The following CPXM2 variants were observed in gnomAD, a reference collection of about 807,000 sequenced individuals.
The protein encoded by CPXM2 is carboxypeptidase X, M14 family member 2.
A neutral mutation model predicts 86.1 loss-of-function variants in CPXM2; 66 were observed. The ratio of observed to expected loss-of-function variants is 0.77; its 90% CI spans 0.63 to 0.94. The LOEUF (loss-of-function observed/expected upper bound fraction) is 0.94, where lower values mean the gene tolerates loss of function less well. Ranked by LOEUF, CPXM2 falls within the 40% of genes least tolerant of loss-of-function variation. CPXM2 has a pLI of 0.00. For missense variants in CPXM2, 948 were observed against 1,026.3 expected (o/e 0.92, Z 1.04); for synonymous variants, 388 against 400.2 (o/e 0.97, Z 0.36).
Position 123,885,970 on chromosome 10 carries a change from C to T in CPXM2, c.304+5386G>A, listed in dbSNP as rs986592219. 3.9e-5 allele frequency among the ~76,000 whole-genome samples: 6 copies of T among 152,208 alleles called. No homozygotes were observed. Among genetic ancestry groups the T allele is most frequent in the Non-Finnish European group, 7.3e-5 (5 of 68,036 alleles). On this transcript the variant is annotated intron_variant, in intron 1 of 13. Coordinates refer to ENST00000241305, the MANE Select transcript of CPXM2 (RefSeq NM_198148.3). The surrounding 1 kb of genome is among the most constrained non-coding windows in gnomAD (Gnocchi z 4.0). ...GGTGTGTCCTCCTTTATTATCCATG[C>T]GCGAGCCCTGGTTTCTGGAACCTTG... is the stretch of plus-strand genomic sequence containing the variant.
chr10:123,811,466 C>T (rs1847694655), intron 4 of CPXM2, among the ~76,000 whole-genome samples: 1 of 152,132 alleles, frequency 6.6e-6, no homozygotes, highest in African/African-American at 2.4e-5. Flanking sequence ...TTAAATGTGA[C>T]AAGCGAAACT....
chr10:123,825,512 G>C (rs373779855), intron 4 of CPXM2, among the ~76,000 whole-genome samples: 13 of 152,078 alleles, frequency 8.5e-5, no homozygotes, highest in Non-Finnish European at 1.9e-4. Flanking sequence ...CCGCCTTTGT[G>C]CAAGAGAAAC....
chr10:123,751,616 G>C, intron 13 of CPXM2: 1 of 985,354 alleles, frequency 1.0e-6, no homozygotes, highest in South Asian at 4.7e-5. Flanking sequence ...CCAACATACT[G>C]ATATGCATCT....
chr10:123,830,872 C>CTCTGTGTGTGTGTGTG (rs1258897184), intron 4 of CPXM2, among the ~76,000 whole-genome samples: 15 of 142,710 alleles, frequency 1.1e-4, no homozygotes, highest in African/African-American at 3.7e-4. Context: ...CTCTCTCTCT[C>CTCTGTGTGTGTGTGTG]TGTGTGTGTG....
At chr10:123,882,161 G>A (rs78812210) in intron 1 of CPXM2, among the ~76,000 whole-genome samples, 2,299 of 152,310 alleles carry the variant, frequency 0.015, 57 homozygotes, top group South Asian at 0.078. Context: ...CAAGCCAAAG[G>A]AAACCCCCCT....
At chr10:123,928,999 G>T (rs1429629679) in intron 2 of CPXM2, among the ~76,000 whole-genome samples, 1 of 152,198 alleles carries the variant, frequency 6.6e-6, no homozygotes, top group Non-Finnish European at 1.5e-5. Flanking sequence ...TGGAGCAGGG[G>T]GGCACTCCTA....
chr10:123,806,174 C>T lies in CPXM2; in HGVS notation c.654-6975G>A, dbSNP rs78538781. Among the ~76,000 whole-genome samples the T allele has an allele frequency of 1.8e-3, 281 of 152,168 alleles. 7 individuals carry two copies. In the East Asian group the frequency reaches 0.042, roughly 23 times the overall value. ...TTTTAAACCAAGTATGCTGATAGTA[C>T]GCTTTTTCAGTTTTTGTTGTCTGAA... On this transcript the variant is annotated intron_variant, in intron 4 of 13. Coordinates refer to ENST00000241305, the MANE Select transcript of CPXM2 (RefSeq NM_198148.3).
chr10:123,822,680 C>T (rs997595546), intron 4 of CPXM2, among the ~76,000 whole-genome samples: 1 of 150,312 alleles, frequency 6.7e-6, no homozygotes, highest in African/African-American at 2.5e-5. Context: ...AGAGAATATG[C>T]AAATAATAAT....
At chr10:123,851,942 G>A (rs1198657827) in intron 3 of CPXM2, among the ~76,000 whole-genome samples, 1 of 152,098 alleles carries the variant, frequency 6.6e-6, no homozygotes, top group African/African-American at 2.4e-5. Flanking sequence ...GAAGCCTGAG[G>A]TACCAGGGAG....
Position 123,882,069 on chromosome 10 carries a change from C to T in CPXM2, c.305-1760G>A, listed in dbSNP as rs113416700. ...ATTCTGCCAATAATGAAATCATTTCCGACTATGTTACAGTCACATGCTAAA... is the reference window on the plus strand; with the variant it reads ...ATTCTGCCAATAATGAAATCATTTCTGACTATGTTACAGTCACATGCTAAA... On this transcript the variant is annotated intron_variant, in intron 1 of 13. Transcript: ENST00000241305. Among the ~76,000 whole-genome samples, 559 of 152,252 alleles carry T rather than the reference C, an allele frequency of 3.7e-3. 8 individuals are homozygous for T. Among genetic ancestry groups the T allele is most frequent in the African/African-American group, 0.012 (500 of 41,534 alleles).
Position 123,746,788 on chromosome 10 carries a change from C to A in CPXM2, c.2247G>T (p.Gly749=). 6.2e-7 allele frequency: 1 copy of A among 1,614,026 alleles called. No individual in the cohort carries two copies. Among genetic ancestry groups the A allele is most frequent in the East Asian group, 2.2e-5 (1 of 44,882 alleles). Reference sequence around the variant, plus strand: ...GTCACCCACGCTGTCGTCTCTTCTGCCCCCGCAGCTTCAGCCGCCTGGCTG... The same window carrying A: ...GTCACCCACGCTGTCGTCTCTTCTGACCCCGCAGCTTCAGCCGCCTGGCTG... ...SLPARRLKLR[G]QKRRQRG Residue 749 remains glycine (G), a synonymous_variant, in exon 14 of 14, where the codon GGG becomes GGT. Transcript: ENST00000241305.
At chr10:123,858,479 C>T (rs866961109) in intron 3 of CPXM2, among the ~76,000 whole-genome samples, 2 of 152,226 alleles carry the variant, frequency 1.3e-5, no homozygotes, top group African/African-American at 4.8e-5. Context: ...CCACTTCTAT[C>T]TGTTGACTTG....
chr10:123,933,493 G>A (rs900494452), intron 2 of CPXM2, among the ~76,000 whole-genome samples: 15 of 152,296 alleles, frequency 9.8e-5, no homozygotes, highest in Admixed American at 5.2e-4. Flanking sequence ...CAAGGTGGGC[G>A]GGTCACTTGA....
chr10:123,785,006 A>G (rs1847017905), intron 6 of CPXM2, among the ~76,000 whole-genome samples: 1 of 152,156 alleles, frequency 6.6e-6, no homozygotes, highest in Non-Finnish European at 1.5e-5. Context: ...CATCCTCTTC[A>G]TTTACATAGG....
chr10:123,803,809 G>A (rs543335750), intron 4 of CPXM2, among the ~76,000 whole-genome samples: 9 of 152,012 alleles, frequency 5.9e-5, no homozygotes, highest in South Asian at 2.1e-4. Context: ...CTACAGGCAC[G>A]TGCCACCACG....
intron 4 of CPXM2, among the ~76,000 whole-genome samples, chr10:123,810,301 T>C (rs957087254): frequency 6.6e-6 from 1 of 151,978 alleles, no homozygotes; most frequent in Non-Finnish European, 1.5e-5. Context: ...TCCATCAGCA[T>C]AGAAGAGTAC....
At chr10:123,810,307 A>G (rs1429436776) in intron 4 of CPXM2, among the ~76,000 whole-genome samples, 1 of 152,028 alleles carries the variant, frequency 6.6e-6, no homozygotes, top group Admixed American at 6.5e-5. Flanking sequence ...AGCATAGAAG[A>G]GTACTAATAT....
chr10:123,879,563 A>G (rs117487375), intron 2 of CPXM2, among the ~76,000 whole-genome samples: 3,064 of 152,328 alleles, frequency 0.02, 47 homozygotes, highest in Middle Eastern at 0.037. Flanking sequence ...TAAGTGCTTA[A>G]TAAATGGCTG....
chr10:123,806,701 G>A (rs1847585193), intron 4 of CPXM2, among the ~76,000 whole-genome samples: 1 of 152,052 alleles, frequency 6.6e-6, no homozygotes, highest in East Asian at 1.9e-4. Context: ...CAATCATGGT[G>A]GAAAGCAAAG....
Sources: allele counts gnomAD v4.1 joint callset (sites outside exome capture counted in the v4.1 genomes callset), GRCh38; gene constraint gnomAD v4.1.1; non-coding constraint Gnocchi (gnomAD v3.1); transcripts MANE v1.5; gene names NCBI Gene and HGNC (gene_info 2026-07-23, HGNC 2026-07-21).